Variants in ERAP1 observed in about 807,000 individuals in gnomAD.
ERAP1 encodes adipocyte-derived leucine aminopeptidase.
A neutral mutation model predicts 103.7 loss-of-function variants in ERAP1; 86 were observed. The ratio of observed to expected loss-of-function variants is 0.83; its 90% CI spans 0.70 to 0.99. The LOEUF (loss-of-function observed/expected upper bound fraction) is 0.99, where lower values mean the gene tolerates loss of function less well. Ranked by LOEUF, ERAP1 falls within the 50% of genes least tolerant of loss-of-function variation. The pLI is 0.00. For synonymous variants in ERAP1, 398 were observed against 402.4 expected, an observed-to-expected ratio of 0.99 and a Z score of 0.13; for missense variants, 1,009 against 1,128.4, an observed-to-expected ratio of 0.89 and a Z score of 1.52.
At chr5:96,916,944 A>G in the ERAP1 span, among the ~76,000 whole-genome samples, 1 of 152,150 alleles carries the variant, frequency 6.6e-6, no homozygotes, top group African/African-American at 2.4e-5. Context: ...TTGTAAGATG[A>G]GGATTTATAA....
the ERAP1 span, among the ~76,000 whole-genome samples, chr5:96,883,569 G>A: frequency 3.2e-4 from 49 of 152,278 alleles, no homozygotes; most frequent in East Asian, 4.8e-3. Flanking sequence ...ATGAAATAAT[G>A]TAATTAGCAT....
At chr5:96,761,742 C>G (rs1012731041) in exon 20 of ERAP1, 1 of 153,528 alleles carries the variant, frequency 6.5e-6, no homozygotes, top group Non-Finnish European at 1.5e-5. Flanking sequence ...TGAAACCTGA[C>G]ACCGTATACC....
the ERAP1 span, chr5:96,896,957 C>T: frequency 9.5e-7 from 1 of 1,058,164 alleles, no homozygotes; most frequent in Non-Finnish European, 1.3e-6. Context: ...TATTGTCAGT[C>T]AACCATATTT....
chr5:96,841,576 A>G, the ERAP1 span, among the ~76,000 whole-genome samples: 3 of 152,190 alleles, frequency 2.0e-5, no homozygotes, highest in Admixed American at 2.0e-4. Flanking sequence ...AATAAAGGAA[A>G]ATCTTGAGTT....
At chr5:96,897,050 G>A in the ERAP1 span, among the ~76,000 whole-genome samples, 2 of 74,610 alleles carry the variant, frequency 2.7e-5, no homozygotes, top group African/African-American at 4.2e-5. Flanking sequence ...GTCACGCTGG[G>A]GTGGCCCCAG....
intron 15 of ERAP1, 62 bp downstream of exon 15, chr5:96,782,989 A>G: frequency 2.6e-6 from 4 of 1,546,260 alleles, no homozygotes; most frequent in Non-Finnish European, 2.7e-6. Flanking sequence ...TTTAGTACCA[A>G]TGATGGAAAA....
chr5:96,813,928 G>T, the ERAP1 span: 1 of 179,152 alleles, frequency 5.6e-6, no homozygotes, highest in Non-Finnish European at 1.2e-5. Flanking sequence ...TTACTATCTT[G>T]TCTAAGAAAA....
At chr5:96,901,588 T>A in the ERAP1 span, 3 of 1,613,980 alleles carry the variant, frequency 1.9e-6, no homozygotes, top group African/African-American at 4.0e-5. Flanking sequence ...CTGCTGGTGG[T>A]TAAACAAGAC....
the ERAP1 span, among the ~76,000 whole-genome samples, chr5:96,885,845 T>C: frequency 3.3e-5 from 5 of 152,216 alleles, no homozygotes; most frequent in African/African-American, 9.7e-5. Flanking sequence ...CAAATGAAGA[T>C]AGAATTCAGT....
In ERAP1 at chr5:96,803,841, G is replaced by A; in HGVS notation, c.86C>T (p.Pro29Leu). 1 of 1,614,102 alleles carries A rather than the reference G, an allele frequency of 6.2e-7. No homozygotes were observed. The highest frequency in any genetic ancestry group is 8.5e-7 in the Non-Finnish European group (1 of 1,180,038). The change falls in exon 2 of 19, where the codon CCT becomes CTT. Residue 29 changes from proline (P) to leucine (L), a missense_variant. Transcript: ENST00000443439. ...SLLALLTVST[P>L]SWCQSTEASP... ...TGCTTCAGTGCTCTGACACCATGAA[G>A]GAGTGGACACAGTTAAGAGAGCCAA... is the stretch of plus-strand genomic sequence containing the variant.
In ERAP1 at chr5:96,786,529, A is replaced by T; in HGVS notation, c.1700T>A (p.Leu567Ter). 1.2e-6 allele frequency: 2 copies of T among 1,612,462 alleles called. No individual in the cohort carries two copies. The highest frequency in any genetic ancestry group is 1.7e-6 in the Non-Finnish European group (2 of 1,178,708). Residue 567 changes from leucine (L) to a stop codon, truncating the protein, a stop_gained, in exon 12 of 19, where the codon TTG (leucine) becomes TAG (stop). Transcript: ENST00000443439. LOFTEE classifies it high-confidence loss of function. ...GTCGGATTTGCTGGTGATGAATGTCAATGGAACATGCCACAGGTACCTAAA... is the reference window on the plus strand; with the variant it reads ...GTCGGATTTGCTGGTGATGAATGTCTATGGAACATGCCACAGGTACCTAAA... ...PDTGYLWHVP[L>*]TFITSKSDMV...
At chr5:96,828,776 T>A in the ERAP1 span, among the ~76,000 whole-genome samples, 5 of 152,090 alleles carry the variant, frequency 3.3e-5, no homozygotes, top group Non-Finnish European at 2.9e-5. Flanking sequence ...CAGAAAAAAA[T>A]ATATAGATTT....
rs897681334 is a variant in ERAP1, at chr5:96,768,477, A to C, written c.2819-5249T>G. On this transcript the variant is annotated intron_variant, in intron 19 of 19. Transcript: ENST00000296754. ...AAATGCCTATAATTCCACTGCCCCC[A>C]AAACAGTATTATTTTGTGGATTTCC... 3.2e-5 allele frequency: 14 copies of C among 432,148 alleles called. 1 individual carries two copies. The highest frequency in any genetic ancestry group is 3.4e-4 in the Middle Eastern group (1 of 2,940). 26.8% of individuals were successfully genotyped at this position (432,148 alleles called of 1,614,324 possible).
chr5:96,883,662 C>T, the ERAP1 span: 205 of 891,548 alleles, frequency 2.3e-4, no homozygotes, highest in Non-Finnish European at 3.0e-4. Flanking sequence ...AGTTGAGATT[C>T]ACAAAGATTG....
the ERAP1 span, among the ~76,000 whole-genome samples, chr5:96,886,097 G>T: frequency 6.6e-6 from 1 of 152,170 alleles, no homozygotes; most frequent in South Asian, 2.1e-4. Context: ...TCCTACCGTG[G>T]AACTAGCCAT....
the ERAP1 span, chr5:96,892,182 T>G: frequency 9.7e-7 from 1 of 1,027,048 alleles, no homozygotes; most frequent in South Asian, 1.6e-5. Flanking sequence ...ATTCTTGATG[T>G]TTTCAAAAAG....
chr5:96,792,004 C>T, intron 8 of ERAP1, 57 bp downstream of exon 8: 1 of 1,596,018 alleles, frequency 6.3e-7, no homozygotes. Flanking sequence ...ACTTCTCCAC[C>T]CCAGTATGTA....
the ERAP1 span, among the ~76,000 whole-genome samples, chr5:96,816,838 A>C: frequency 2.5e-4 from 38 of 152,146 alleles, no homozygotes; most frequent in African/African-American, 9.2e-4. Flanking sequence ...TTGCTTAATA[A>C]ATTTTACTCT....
the ERAP1 span, chr5:96,903,526 G>C: frequency 1.2e-6 from 2 of 1,610,476 alleles, no homozygotes; most frequent in Non-Finnish European, 1.7e-6. Flanking sequence ...TAAGGACAGA[G>C]TAGGTCTGAT....
Sources: allele counts gnomAD v4.1 joint callset (sites outside exome capture counted in the v4.1 genomes callset), GRCh38; gene constraint gnomAD v4.1.1; transcripts MANE v1.5; gene names NCBI Gene and HGNC (gene_info 2026-07-23, HGNC 2026-07-21).